The following TMEM220 variants were observed in gnomAD, a reference collection of about 807,000 sequenced individuals.
TMEM220 encodes transmembrane protein 220.
TMEM220 carries 21 observed loss-of-function variants against 21.7 expected under a neutral mutation model. The observed-to-expected ratio is 0.97, with a 90% CI of 0.69 to 1.39. The LOEUF (loss-of-function observed/expected upper bound fraction) is 1.39, where lower values mean the gene tolerates loss of function less well. TMEM220 is among the 40% of genes most tolerant of loss of function. TMEM220 has a pLI of 0.00. For missense variants in TMEM220, 191 were observed against 201.9 expected (o/e 0.95, Z 0.33); for synonymous variants, 80 against 73.6 (o/e 1.09, Z -0.45).
At position 10,725,086 on chromosome 17, in the gene TMEM220, G is replaced by A. The variant is rs201706506; in HGVS notation, c.212C>T (p.Thr71Met). ...SISAIHILFC[T>M]VWAVGLASYL... is the part of the protein sequence containing the mutation. ...GGACGCCAAGCCAACAGCCCACACC[G>A]TACAAAAGAGTATGTGTATTGCAGA... The change falls in exon 4 of 6, where the codon ACG becomes ATG. Residue 71 changes from threonine (T) to methionine (M), a missense_variant. By Grantham distance (81) the Thr-to-Met change is moderately conservative. Transcript: ENST00000341871. 91 of 1,613,932 alleles carry A rather than the reference G, an allele frequency of 5.6e-5. No homozygotes were observed. The East Asian group carries it at 1.4e-3, about 25-fold the overall frequency.
downstream of TMEM220, among the ~76,000 whole-genome samples, chr17:10,711,611 T>A (rs1298589680): frequency 6.6e-6 from 1 of 152,200 alleles, no homozygotes; most frequent in South Asian, 2.1e-4. Context: ...TAAACAAAAT[T>A]ACCAATAGTT....
At chr17:10,720,192 A>C (rs2074970568) in intron 5 of TMEM220, among the ~76,000 whole-genome samples, 1 of 152,240 alleles carries the variant, frequency 6.6e-6, no homozygotes, top group Admixed American at 6.5e-5. Flanking sequence ...ACTTTGACCC[A>C]GTAGTCTCAC....
intron 5 of TMEM220, among the ~76,000 whole-genome samples, chr17:10,718,539 C>T (rs961990247): frequency 6.8e-6 from 1 of 146,352 alleles, no homozygotes. Flanking sequence ...AAATTCCTAA[C>T]TTCCTGGAAG....
At chr17:10,725,189 A>T (rs1305922883) in intron 3 of TMEM220, 55 bp from the exon 4 acceptor site, 1 of 1,604,124 alleles carries the variant, frequency 6.2e-7, no homozygotes, top group Non-Finnish European at 8.5e-7. Context: ...CACAGAAAAA[A>T]AAAATGATCT....
chr17:10,716,201 C>T, intron 5 of TMEM220: 6 of 881,176 alleles, frequency 6.8e-6, no homozygotes, highest in Non-Finnish European at 1.1e-5. Flanking sequence ...ATAAGGGAAC[C>T]AATTTTTGAT....
In TMEM220 at chr17:10,729,661, G is replaced by A. The variant is rs1342265226; in HGVS notation, c.72+119C>T. The A allele has an allele frequency of 4.7e-6, 4 of 856,488 alleles. No homozygotes were observed. In the African/African-American group the frequency reaches 5.3e-5, roughly 11 times the overall value. The allele number at this position is 856,488 out of a possible 1,614,324, so 53.1% of individuals were successfully genotyped here. ...TCCCCAAGCAGAAAGCCCAAGTCCC[G>A]TCCTCCCCACTAACTGTGCGCCCCT... On this transcript the variant is annotated intron_variant, in intron 1 of 5. Transcript: ENST00000341871.
chr17:10,729,783 C>T lies in TMEM220; in HGVS notation c.69G>A (p.Val23=). Residue 23 remains valine (V), a synonymous_variant, in exon 1 of 6, where the codon GTG becomes GTA. Coordinates refer to ENST00000341871, the MANE Select transcript of TMEM220 (RefSeq NM_001004313.3). ...MAAFFALAAL[V]QVNDPDAEVW... is the part of the protein sequence containing the mutation. ...CCTCCCACCGCGGCCGCCTGACCTGCACCAAGGCCGCCAGCGCGAAGAAGG... is the reference window on the plus strand; with the variant it reads ...CCTCCCACCGCGGCCGCCTGACCTGTACCAAGGCCGCCAGCGCGAAGAAGG... The T allele has an allele frequency of 7.1e-7, 1 of 1,413,408 alleles. No homozygotes were observed. Among genetic ancestry groups the T allele is most frequent in the Non-Finnish European group, 9.3e-7 (1 of 1,076,826 alleles). The allele number at this position is 1,413,408 out of a possible 1,614,324, so 87.6% of individuals were successfully genotyped here.
chr17:10,722,168 T>A lies in TMEM220; in HGVS notation c.347+1102A>T, dbSNP rs146905325. The stretch of plus-strand genomic sequence containing the variant: ...ACACCACGCCTGGCTAATTTTTTTG[T>A]ATTTTTAGTAGAGACGGGGTTTCGC... On this transcript the variant is annotated intron_variant, in intron 5 of 5. Transcript: ENST00000341871. Among the ~76,000 whole-genome samples, 1,676 of 152,260 alleles carry A rather than the reference T, an allele frequency of 0.011. 63 individuals carry two copies. In the East Asian group the frequency reaches 0.13, roughly 12 times the overall value.
intron 5 of TMEM220, among the ~76,000 whole-genome samples, chr17:10,721,638 A>AG (rs2074992697): frequency 7.3e-6 from 1 of 137,620 alleles, no homozygotes; most frequent in African/African-American, 3.3e-5. Flanking sequence ...GAAAAAAAAG[A>AG]AAAAAAAAAT....
intron 5 of TMEM220, among the ~76,000 whole-genome samples, chr17:10,719,848 G>C (rs1288745985): frequency 1.3e-5 from 2 of 152,170 alleles, no homozygotes; most frequent in African/African-American, 4.8e-5. Flanking sequence ...ATCACAGATA[G>C]AGCTTCTAAA....
At chr17:10,728,873 C>T (rs1321114402) in intron 2 of TMEM220, among the ~76,000 whole-genome samples, 158 bp downstream of exon 2, 1 of 152,168 alleles carries the variant, frequency 6.6e-6, no homozygotes, top group Non-Finnish European at 1.5e-5. Context: ...CTGATCCTGC[C>T]TATTAATATT....
intron 5 of TMEM220, among the ~76,000 whole-genome samples, chr17:10,722,508 TACA>T (rs996730219): frequency 5.3e-5 from 8 of 152,206 alleles, no homozygotes; most frequent in Non-Finnish European, 8.8e-5. Context: ...CCCTAATGAT[TACA>T]ACATTAATCC....
chr17:10,721,177 C>T (rs948062522), intron 5 of TMEM220, among the ~76,000 whole-genome samples: 6 of 152,080 alleles, frequency 3.9e-5, no homozygotes, highest in Admixed American at 3.9e-4. Flanking sequence ...TACCAGAAAG[C>T]AAGGAAGCTA....
chr17:10,728,848 C>A (rs1479058910), intron 2 of TMEM220, among the ~76,000 whole-genome samples, 183 bp downstream of exon 2: 1 of 152,176 alleles, frequency 6.6e-6, no homozygotes, highest in Non-Finnish European at 1.5e-5. Context: ...TTCACACACA[C>A]ATTACATTAG....
chr17:10,723,775 CT>C (rs2075019652), intron 4 of TMEM220, among the ~76,000 whole-genome samples: 2 of 40,700 alleles, frequency 4.9e-5, no homozygotes, highest in African/African-American at 1.7e-4. Flanking sequence ...TGTGTATATA[CT>C]ACAAGAGATT....
Position 10,726,200 on chromosome 17 carries a change from A to C in TMEM220, c.163+4T>G. 4 of 1,612,780 alleles carry C rather than the reference A, an allele frequency of 2.5e-6. No individual in the cohort carries two copies. The highest frequency in any genetic ancestry group is 1.7e-6 in the Non-Finnish European group (2 of 1,178,762). On this transcript the variant is annotated splice_donor_region_variant and intron_variant, in intron 3 of 5. Transcript: ENST00000341871. ...TCTCTCCATTTAGAATGCAAGGCTT[A>C]TACCTGTGACTTCAGGGTTAAGTCC...
At chr17:10,719,100 A>G (rs1034170182) in intron 5 of TMEM220, among the ~76,000 whole-genome samples, 1 of 152,198 alleles carries the variant, frequency 6.6e-6, no homozygotes, top group Non-Finnish European at 1.5e-5. Flanking sequence ...TTTAGCAGTT[A>G]TATCTTCTTG....
At chr17:10,728,960 A>G in intron 2 of TMEM220, 71 bp downstream of exon 2, 1 of 1,540,164 alleles carries the variant, frequency 6.5e-7, no homozygotes, top group East Asian at 2.2e-5. Context: ...GTAAAGACAT[A>G]AAACCGTGTG....
At position 10,726,202 on chromosome 17, in the gene TMEM220, A is replaced by G; in HGVS notation, c.163+2T>C. The stretch of plus-strand genomic sequence containing the variant: ...TCTCCATTTAGAATGCAAGGCTTAT[A>G]CCTGTGACTTCAGGGTTAAGTCCAA... On this transcript the variant is annotated splice_donor_variant, in intron 3 of 5. Transcript: ENST00000341871. LOFTEE classifies it high-confidence loss of function. 1 of 1,612,836 alleles carries G rather than the reference A, an allele frequency of 6.2e-7. No individual in the cohort carries two copies. The highest frequency in any genetic ancestry group is 8.5e-7 in the Non-Finnish European group (1 of 1,178,812).
Sources: allele counts gnomAD v4.1 joint callset (sites outside exome capture counted in the v4.1 genomes callset), GRCh38; gene constraint gnomAD v4.1.1; transcripts MANE v1.5; gene names NCBI Gene and HGNC (gene_info 2026-07-23, HGNC 2026-07-21).